The following JARID2 variants were observed in gnomAD, a reference collection of about 807,000 sequenced individuals.
JARID2 encodes the protein jumonji and AT-rich interaction domain containing 2.
JARID2 carries 21 observed loss-of-function variants against 125.6 expected under a neutral mutation model. The ratio of observed to expected loss-of-function variants is 0.17; its 90% CI spans 0.12 to 0.24. JARID2 has a LOEUF of 0.24. Ranked by LOEUF, JARID2 falls within the 10% of genes least tolerant of loss-of-function variation. The pLI is 1.00. For synonymous variants in JARID2, 736 were observed against 661.6 expected, an observed-to-expected ratio of 1.11 and a Z score of -1.73; for missense variants, 1,303 against 1,639.6, an observed-to-expected ratio of 0.79 and a Z score of 3.55.
At chr6:15,393,090 GGTGAAATTCTTCC>G (rs1765086713) in intron 2 of JARID2, among the ~76,000 whole-genome samples, 1 of 152,154 alleles carries the variant, frequency 6.6e-6, no homozygotes, top group Non-Finnish European at 1.5e-5. Flanking sequence ...ATGAAATGGT[GGTGAAATTCTTCC>G]TGTGTATCCC....
intron 3 of JARID2, among the ~76,000 whole-genome samples, chr6:15,440,743 G>T (rs1767409791): frequency 6.6e-6 from 1 of 152,228 alleles, no homozygotes; most frequent in Non-Finnish European, 1.5e-5. Context: ...GTGGGAGAAT[G>T]TGCCGTTGTT....
At chr6:15,503,426 T>C (rs957164594) in intron 8 of JARID2, among the ~76,000 whole-genome samples, 13 of 152,246 alleles carry the variant, frequency 8.5e-5, no homozygotes, top group African/African-American at 3.1e-4. Flanking sequence ...CGACTACGAC[T>C]GTGGACCCAA....
At chr6:15,280,939 CAT>C (rs1337274282) in intron 1 of JARID2, among the ~76,000 whole-genome samples, 1 of 152,142 alleles carries the variant, frequency 6.6e-6, no homozygotes, top group Non-Finnish European at 1.5e-5. Flanking sequence ...AGCCCCTTAA[CAT>C]GTGATTTTTG....
intron 1 of JARID2, among the ~76,000 whole-genome samples, chr6:15,331,670 A>G (rs1372500496): frequency 6.6e-6 from 1 of 152,134 alleles, no homozygotes; most frequent in East Asian, 1.9e-4. Context: ...GTTCGAGATC[A>G]GTCTGACCAA....
In JARID2 at chr6:15,452,056, C is replaced by T; in HGVS notation, c.374C>T (p.Pro125Leu). 2 of 1,614,050 alleles carry T rather than the reference C, an allele frequency of 1.2e-6. No individual in the cohort carries two copies. The highest frequency in any genetic ancestry group is 1.7e-6 in the Non-Finnish European group (2 of 1,180,006). The change falls in exon 4 of 18, where the codon CCC becomes CTC. Residue 125 changes from proline (P) to leucine (L), a missense_variant. By Grantham distance (98) the Pro-to-Leu change is moderately conservative. Transcript: ENST00000341776. ...TTTGCTCAGTCTCAGCCGAATAGTC[C>T]CAGCACAACTCCAGTAAAGATAGTG... ...RKFAQSQPNS[P>L]STTPVKIVEP...
At chr6:15,261,484 A>C (rs562375845) in intron 1 of JARID2, among the ~76,000 whole-genome samples, 51 of 150,852 alleles carry the variant, frequency 3.4e-4, no homozygotes, top group African/African-American at 1.1e-3. Context: ...CACCCACCTA[A>C]ATTTTGTGTT....
At chr6:15,273,441 C>T (rs764618563) in intron 1 of JARID2, among the ~76,000 whole-genome samples, 3 of 152,224 alleles carry the variant, frequency 2.0e-5, no homozygotes, top group Non-Finnish European at 4.4e-5. Flanking sequence ...GTGGCTCACG[C>T]CTGTAATCCC....
At chr6:15,401,475 ATTAAAG>A (rs1765432014) in intron 2 of JARID2, among the ~76,000 whole-genome samples, 2 of 152,182 alleles carry the variant, frequency 1.3e-5, no homozygotes, top group South Asian at 2.1e-4. Flanking sequence ...TAAATGTTTG[ATTAAAG>A]TTAATTAGTT....
chr6:15,426,567 C>CT (rs1766737172), intron 3 of JARID2, among the ~76,000 whole-genome samples: 3 of 152,306 alleles, frequency 2.0e-5, no homozygotes, highest in Admixed American at 2.0e-4. Context: ...CCAAATCAGT[C>CT]TAAGCCAAGA....
At chr6:15,268,303 AAAC>A (rs1356602677) in intron 1 of JARID2, among the ~76,000 whole-genome samples, 1 of 152,170 alleles carries the variant, frequency 6.6e-6, no homozygotes, top group Non-Finnish European at 1.5e-5. Flanking sequence ...TGCTAATAGA[AAAC>A]AAAAAAGTTC....
intron 1 of JARID2, among the ~76,000 whole-genome samples, chr6:15,356,191 G>C (rs1022104489): frequency 5.9e-5 from 9 of 151,918 alleles, no homozygotes; most frequent in Admixed American, 2.6e-4. Flanking sequence ...GCCATATTTC[G>C]TTCATTTATT....
At chr6:15,389,823 A>T (rs932543483) in intron 2 of JARID2, among the ~76,000 whole-genome samples, 1 of 152,228 alleles carries the variant, frequency 6.6e-6, no homozygotes, top group African/African-American at 2.4e-5. Context: ...ATTTTATGGT[A>T]ATATGATGGT....
intron 4 of JARID2, among the ~76,000 whole-genome samples, chr6:15,455,853 A>G (rs918208220): frequency 2.0e-5 from 3 of 152,194 alleles, no homozygotes; most frequent in Admixed American, 6.5e-5. Context: ...AAGAGTAACT[A>G]TGACTTAACT....
chr6:15,422,886 T>G (rs1766560954), intron 3 of JARID2, among the ~76,000 whole-genome samples: 1 of 152,216 alleles, frequency 6.6e-6, no homozygotes, highest in Admixed American at 6.5e-5. Context: ...AAGCAGCTCC[T>G]TTTTTCTCAT....
chr6:15,391,324 G>C (rs1764993670), intron 2 of JARID2, among the ~76,000 whole-genome samples: 1 of 152,150 alleles, frequency 6.6e-6, no homozygotes, highest in Admixed American at 6.5e-5. Context: ...GTCGGTGTTA[G>C]GTTTGTATAG....
intron 1 of JARID2, among the ~76,000 whole-genome samples, chr6:15,269,787 C>A (rs942711256): frequency 1.3e-5 from 2 of 152,092 alleles, no homozygotes; most frequent in Admixed American, 6.6e-5. Context: ...AGTGTTTTTA[C>A]TGGCTATATA....
At chr6:15,328,512 G>A (rs1002184445) in intron 1 of JARID2, among the ~76,000 whole-genome samples, 2 of 152,200 alleles carry the variant, frequency 1.3e-5, no homozygotes, top group Non-Finnish European at 2.9e-5. Context: ...GGAGCGTTAA[G>A]TGATTAGATG....
chr6:15,291,477 C>T (rs1459357517), intron 1 of JARID2, among the ~76,000 whole-genome samples: 1 of 152,190 alleles, frequency 6.6e-6, no homozygotes, highest in African/African-American at 2.4e-5. Flanking sequence ...AATCTGGTTT[C>T]TCAGCCTGCG....
intron 1 of JARID2, among the ~76,000 whole-genome samples, chr6:15,267,245 C>G (rs1760120425): frequency 6.6e-6 from 1 of 152,254 alleles, no homozygotes; most frequent in East Asian, 1.9e-4. Flanking sequence ...AAACTATTCT[C>G]CCACTCCCAT....
Sources: gnomAD v4.1 joint callset for allele counts (sites outside exome capture counted in the v4.1 genomes callset) on GRCh38, gnomAD v4.1.1 for gene constraint, MANE v1.5 for transcripts, NCBI Gene and HGNC (gene_info 2026-07-23, HGNC 2026-07-21) for gene names.